The following LRP1B variants were observed in gnomAD, a reference collection of about 807,000 sequenced individuals.
LRP1B encodes LDL receptor related protein 1B.
Under a neutral mutation model 556.6 loss-of-function variants are expected in LRP1B, and 217 were observed. That is an observed-to-expected ratio of 0.39 (90% CI 0.35 to 0.44). LRP1B has a LOEUF of 0.44. Among genes scored for constraint, LRP1B ranks in the 20% least tolerant of loss-of-function variants. The pLI is 1.00. For synonymous variants in LRP1B, 2,047 were observed against 1,865.8 expected, an observed-to-expected ratio of 1.10 and a Z score of -2.50; for missense variants, 5,053 against 5,620.8, an observed-to-expected ratio of 0.90 and a Z score of 3.23.
At chr2:140,361,046 A>G (rs1183233915) in intron 72 of LRP1B, among the ~76,000 whole-genome samples, 1 of 151,022 alleles carries the variant, frequency 6.6e-6, no homozygotes, top group Non-Finnish European at 1.5e-5. Flanking sequence ...CCTATTCACC[A>G]ATGATTTTGT....
chr2:141,821,235 T>C (rs1465454499), intron 1 of LRP1B, among the ~76,000 whole-genome samples: 1 of 152,200 alleles, frequency 6.6e-6, no homozygotes, highest in Non-Finnish European at 1.5e-5. Flanking sequence ...ATTCCCTCAA[T>C]TTGTGGTAAT....
At chr2:141,086,314 T>C (rs1370276246) in intron 7 of LRP1B, among the ~76,000 whole-genome samples, 1 of 152,226 alleles carries the variant, frequency 6.6e-6, no homozygotes. Context: ...TTCTTAGAAA[T>C]TTATTGAAAG....
intron 86 of LRP1B, among the ~76,000 whole-genome samples, chr2:140,264,680 CA>C (rs11324295): frequency 0.65 from 97,172 of 150,256 alleles, 32,279 homozygotes; most frequent in Non-Finnish European, 0.73. Flanking sequence ...CATAAAATGA[CA>C]AAAAAAAAAA....
intron 4 of LRP1B, among the ~76,000 whole-genome samples, chr2:141,250,492 C>A (rs1013725390): frequency 2.6e-5 from 4 of 152,172 alleles, no homozygotes; most frequent in African/African-American, 9.7e-5. Flanking sequence ...AAGCTTCCCT[C>A]TCCCACCTTC....
At chr2:140,713,066 T>A (rs1687090432) in intron 37 of LRP1B, among the ~76,000 whole-genome samples, 1 of 152,082 alleles carries the variant, frequency 6.6e-6, no homozygotes, top group South Asian at 2.1e-4. Flanking sequence ...TATCGCAGCT[T>A]ATTACAGAGC....
At chr2:140,724,908 T>G (rs1250629909) in intron 35 of LRP1B, among the ~76,000 whole-genome samples, 3 of 152,212 alleles carry the variant, frequency 2.0e-5, no homozygotes, top group Non-Finnish European at 4.4e-5. Flanking sequence ...TGCACATACA[T>G]TTCTTCTTTA....
At position 140,450,637 on chromosome 2, in the gene LRP1B, T is replaced by C. The variant is rs773042863; in HGVS notation, c.9988A>G (p.Ile3330Val). Residue 3330 changes from isoleucine (I) to valine (V), a missense_variant, in exon 63 of 91, where the codon ATT becomes GTT. Coordinates refer to ENST00000389484, the MANE Select transcript of LRP1B (RefSeq NM_018557.3). ...SQFRCKTDKC[I>V]PFWWKCDTVD... ...GTGTCACATTTCCACCAGAATGGAA[T>C]ACATTTGTCAGTTTTGCAACGAAAC... 6.2e-7 allele frequency: 1 copy of C among 1,611,724 alleles called. No homozygotes were observed. The highest frequency in any genetic ancestry group is 8.5e-7 in the Non-Finnish European group (1 of 1,179,086).
chr2:141,575,763 A>C (rs1489346478), intron 2 of LRP1B, among the ~76,000 whole-genome samples: 3 of 152,056 alleles, frequency 2.0e-5, no homozygotes, highest in Non-Finnish European at 2.9e-5. Context: ...TAAAAAAAAA[A>C]AACAACTCCG....
At chr2:140,641,389 C>CT (rs1684287933) in intron 41 of LRP1B, among the ~76,000 whole-genome samples, 1 of 152,134 alleles carries the variant, frequency 6.6e-6, no homozygotes, top group Non-Finnish European at 1.5e-5. Context: ...TTATGAGTGT[C>CT]TTTATAATAG....
At chr2:141,097,781 A>G (rs1392318425) in intron 7 of LRP1B, among the ~76,000 whole-genome samples, 2 of 152,184 alleles carry the variant, frequency 1.3e-5, no homozygotes, top group Non-Finnish European at 2.9e-5. Flanking sequence ...CTTATATCAT[A>G]CAAATTATTA....
intron 2 of LRP1B, among the ~76,000 whole-genome samples, chr2:141,779,451 G>C (rs1418592072): frequency 1.6e-5 from 2 of 128,268 alleles, no homozygotes; most frequent in Non-Finnish European, 3.2e-5. Context: ...ACAGGGTTTC[G>C]CTTTTCTGTC....
chr2:142,087,057 T>C (rs546879660), intron 1 of LRP1B, among the ~76,000 whole-genome samples: 2 of 152,308 alleles, frequency 1.3e-5, no homozygotes, highest in East Asian at 3.9e-4. Context: ...AGTTCCCTTG[T>C]TGGCTAATAA....
At chr2:141,530,436 A>G (rs1344948807) in intron 2 of LRP1B, among the ~76,000 whole-genome samples, 1 of 152,032 alleles carries the variant, frequency 6.6e-6, no homozygotes, top group African/African-American at 2.4e-5. Context: ...AGTCTTGTCA[A>G]TTGCTTACTT....
chr2:141,051,940 A>C (rs1699047819), intron 10 of LRP1B, among the ~76,000 whole-genome samples: 1 of 148,488 alleles, frequency 6.7e-6, no homozygotes, highest in Non-Finnish European at 1.5e-5. Context: ...ATATCAAAAT[A>C]GATACTCAAT....
rs74618195 is a variant in LRP1B at position 141,178,389 on chromosome 2, T to G, written c.1013+10032A>C. Among the ~76,000 whole-genome samples, 1,116 of 152,228 alleles carry G rather than the reference T, an allele frequency of 7.3e-3. 20 individuals carry two copies. The highest frequency in any genetic ancestry group is 0.026 in the African/African-American group (1,060 of 41,554). ...CCAATGGCCACTGTGAGTTTCCCAG[T>G]CTTCCACTTTCTAAATGAGAGTCTT... On this transcript the variant is annotated intron_variant, in intron 7 of 90. Coordinates refer to ENST00000389484, the MANE Select transcript of LRP1B (RefSeq NM_018557.3).
intron 1 of LRP1B, among the ~76,000 whole-genome samples, chr2:142,112,356 A>G (rs1574698057): frequency 6.6e-6 from 1 of 152,132 alleles, no homozygotes; most frequent in South Asian, 2.1e-4. Flanking sequence ...ACAATTCATT[A>G]TAAAAGGAGA....
intron 17 of LRP1B, among the ~76,000 whole-genome samples, chr2:140,983,950 C>T (rs147327826): frequency 6.6e-6 from 1 of 151,840 alleles, no homozygotes; most frequent in Admixed American, 6.6e-5. Flanking sequence ...TATATTGTCT[C>T]ATTTAATTCC....
At chr2:141,029,237 G>T (rs1171354664) in intron 11 of LRP1B, among the ~76,000 whole-genome samples, 1 of 152,100 alleles carries the variant, frequency 6.6e-6, no homozygotes, top group African/African-American at 2.4e-5. Context: ...GAACTTAAAA[G>T]TCATTGCGTG....
chr2:141,643,788 T>G (rs1427657164), intron 2 of LRP1B, among the ~76,000 whole-genome samples: 1 of 152,144 alleles, frequency 6.6e-6, no homozygotes, highest in Non-Finnish European at 1.5e-5. Context: ...TGTGACCCCC[T>G]GTCTTCAACA....
Sources: gnomAD v4.1 joint callset for allele counts (sites outside exome capture counted in the v4.1 genomes callset) on GRCh38, gnomAD v4.1.1 for gene constraint, MANE v1.5 for transcripts, NCBI Gene and HGNC (gene_info 2026-07-23, HGNC 2026-07-21) for gene names.